Variants in TNNI3K observed in about 807,000 individuals in gnomAD.
TNNI3K encodes TNNI3 interacting kinase, also known as serine/threonine-protein kinase TNNI3K.
TNNI3K carries 140 observed loss-of-function variants against 114.5 expected under a neutral mutation model. That is an observed-to-expected ratio of 1.22 (90% CI 1.07 to 1.41). TNNI3K has a LOEUF of 1.41. Ranked by LOEUF, TNNI3K falls within the 40% of genes most tolerant of loss-of-function variation. The pLI is 0.00. For missense variants in TNNI3K, 1,125 were observed against 1,007.6 expected (o/e 1.12, Z -1.58); for synonymous variants, 347 against 347.5 (o/e 1.00, Z 0.02).
At chr1:74,449,419 T>C (rs866737009) in intron 20 of TNNI3K, among the ~76,000 whole-genome samples, 6 of 152,076 alleles carry the variant, frequency 3.9e-5, no homozygotes, top group Admixed American at 1.3e-4. Context: ...AACCAGCTCC[T>C]GGATTCATTG....
intron 19 of TNNI3K, 90 bp downstream of exon 19, chr1:74,436,616 T>C: frequency 1.5e-6 from 2 of 1,340,032 alleles, no homozygotes; most frequent in South Asian, 1.4e-5. Context: ...GCAGTTTTAA[T>C]TGGAAGAAAT....
At chr1:74,443,831 C>G (rs1001733119) in intron 20 of TNNI3K, among the ~76,000 whole-genome samples, 12 of 152,112 alleles carry the variant, frequency 7.9e-5, no homozygotes, top group Admixed American at 6.5e-5. Flanking sequence ...GGGCTTCATC[C>G]CCACGATGTA....
intron 5 of TNNI3K, among the ~76,000 whole-genome samples, chr1:74,296,136 C>A (rs1657968212): frequency 1.3e-5 from 2 of 151,886 alleles, no homozygotes; most frequent in African/African-American, 4.8e-5. Context: ...ATTAGCCGGG[C>A]GAGGCGGCGG....
intron 5 of TNNI3K, among the ~76,000 whole-genome samples, chr1:74,317,285 TC>T (rs1659367766): frequency 6.6e-6 from 1 of 152,176 alleles, no homozygotes; most frequent in Non-Finnish European, 1.5e-5. Context: ...TAGGTGTTAG[TC>T]AAGTAAAGAG....
chr1:74,508,161 C>A (rs6686759), intron 23 of TNNI3K, among the ~76,000 whole-genome samples: 3,799 of 152,244 alleles, frequency 0.025, 150 homozygotes, highest in African/African-American at 0.087. Flanking sequence ...CAAAGAGATG[C>A]AGAAATACCT....
chr1:74,400,628 C>A (rs1664310623), intron 17 of TNNI3K, among the ~76,000 whole-genome samples: 1 of 152,184 alleles, frequency 6.6e-6, no homozygotes, highest in Non-Finnish European at 1.5e-5. Flanking sequence ...AGAAATCAGA[C>A]CCTACAGCAA....
intron 2 of TNNI3K, among the ~76,000 whole-genome samples, chr1:74,246,323 A>C (rs1478280984): frequency 6.6e-6 from 1 of 152,276 alleles, no homozygotes; most frequent in East Asian, 1.9e-4. Flanking sequence ...ATCACAGGTC[A>C]CAGAGGTCTT....
chr1:74,434,656 G>A (rs116270754), intron 17 of TNNI3K, among the ~76,000 whole-genome samples: 3 of 152,070 alleles, frequency 2.0e-5, no homozygotes, highest in Non-Finnish European at 2.9e-5. Flanking sequence ...TGACAGGACA[G>A]TCTGATTCTC....
At chr1:74,313,280 G>A (rs1013789020) in intron 5 of TNNI3K, among the ~76,000 whole-genome samples, 2 of 152,100 alleles carry the variant, frequency 1.3e-5, no homozygotes, top group East Asian at 1.9e-4. Flanking sequence ...TCACCACGTT[G>A]ACATCACATA....
intron 11 of TNNI3K, 120 bp downstream of exon 11, chr1:74,354,249 T>C (rs1661542127): frequency 2.7e-6 from 4 of 1,484,226 alleles, no homozygotes; most frequent in Admixed American, 4.2e-5. Flanking sequence ...TTCTGTAGAT[T>C]TTACTTGAGT....
chr1:74,442,009 C>G (rs1297753722), intron 20 of TNNI3K, among the ~76,000 whole-genome samples: 1 of 151,920 alleles, frequency 6.6e-6, no homozygotes, highest in East Asian at 1.9e-4. Context: ...TGTATCCTAT[C>G]TAAAAATATT....
chr1:74,505,550 A>G (rs1426568851), intron 23 of TNNI3K, among the ~76,000 whole-genome samples: 1 of 151,536 alleles, frequency 6.6e-6, no homozygotes, highest in Non-Finnish European at 1.5e-5. Flanking sequence ...TTCCTCATGG[A>G]TTGTTTTTTC....
chr1:74,485,507 T>C (rs1196867121), intron 21 of TNNI3K, among the ~76,000 whole-genome samples: 1 of 152,182 alleles, frequency 6.6e-6, no homozygotes, highest in Non-Finnish European at 1.5e-5. Flanking sequence ...GATTCTAACA[T>C]GACCTGCAAG....
intron 17 of TNNI3K, among the ~76,000 whole-genome samples, chr1:74,424,821 A>T (rs1665557549): frequency 6.6e-6 from 1 of 152,084 alleles, no homozygotes; most frequent in South Asian, 2.1e-4. Context: ...TCACAACCAT[A>T]ATGTTTCTTG....
chr1:74,359,344 A>G (rs191785566), intron 11 of TNNI3K, among the ~76,000 whole-genome samples: 41 of 152,156 alleles, frequency 2.7e-4, no homozygotes, highest in East Asian at 1.7e-3. Flanking sequence ...CAGAGATTCA[A>G]TCGAATCCAC....
At chr1:74,464,968 T>C in intron 21 of TNNI3K, 2 of 1,216,744 alleles carry the variant, frequency 1.6e-6, no homozygotes, top group Non-Finnish European at 1.0e-6. Context: ...AATTTTGATG[T>C]CCAGAAAATT....
intron 17 of TNNI3K, among the ~76,000 whole-genome samples, chr1:74,377,763 C>T (rs987827194): frequency 6.6e-6 from 1 of 151,868 alleles, no homozygotes; most frequent in Admixed American, 6.6e-5. Flanking sequence ...TGATATCACC[C>T]ACGAATTCTA....
chr1:74,304,372 T>G (rs1345062586), intron 5 of TNNI3K, among the ~76,000 whole-genome samples: 1 of 152,146 alleles, frequency 6.6e-6, no homozygotes, highest in Non-Finnish European at 1.5e-5. Flanking sequence ...ATAGGCAAAA[T>G]GACTACAACT....
intron 5 of TNNI3K, among the ~76,000 whole-genome samples, chr1:74,308,049 A>T (rs1658759513): frequency 6.6e-6 from 1 of 151,760 alleles, no homozygotes; most frequent in African/African-American, 2.4e-5. Flanking sequence ...ATATATATAT[A>T]TAATAGTAAT....
Sources: gnomAD v4.1 joint callset for allele counts (sites outside exome capture counted in the v4.1 genomes callset) on GRCh38, gnomAD v4.1.1 for gene constraint, MANE v1.5 for transcripts, NCBI Gene and HGNC (gene_info 2026-07-23, HGNC 2026-07-21) for gene names.